The following PTPN21 variants were observed in gnomAD, a reference collection of about 807,000 sequenced individuals.
PTPN21 encodes the protein tyrosine-protein phosphatase non-receptor type 21.
A neutral mutation model predicts 131.8 loss-of-function variants in PTPN21; 77 were observed. The ratio of observed to expected loss-of-function variants is 0.58; its 90% CI spans 0.49 to 0.71. PTPN21 has a LOEUF of 0.71. Ranked by LOEUF, PTPN21 falls within the 30% of genes least tolerant of loss-of-function variation. The pLI, the probability that PTPN21 is intolerant of heterozygous loss-of-function variation, is 0.00. For synonymous variants in PTPN21, 715 were observed against 621.3 expected (o/e 1.15, Z -2.24); for missense variants, 1,552 against 1,527.1 (o/e 1.02, Z -0.27).
At chr14:88,503,063 T>C (rs2078036514) in intron 6 of PTPN21, among the ~76,000 whole-genome samples, 1 of 151,794 alleles carries the variant, frequency 6.6e-6, no homozygotes, top group African/African-American at 2.4e-5. Context: ...CTTTTTTTTT[T>C]TTTTGCTCTG....
At chr14:88,508,147 TGTG>T (rs1360251928) in intron 3 of PTPN21, 127 bp from the exon 4 acceptor site, 15 of 471,624 alleles carry the variant, frequency 3.2e-5, no homozygotes, top group Middle Eastern at 5.6e-4. Flanking sequence ...CATGGTTGTG[TGTG>T]TTTTTTTTTT....
At chr14:88,544,979 C>T (rs568368807) in intron 2 of PTPN21, among the ~76,000 whole-genome samples, 1 of 152,162 alleles carries the variant, frequency 6.6e-6, no homozygotes, top group South Asian at 2.1e-4. Flanking sequence ...AGGCATACAC[C>T]ATCACGCATG....
chr14:88,510,784 G>A (rs1448901145), intron 3 of PTPN21, among the ~76,000 whole-genome samples: 2 of 152,118 alleles, frequency 1.3e-5, no homozygotes, highest in Admixed American at 1.3e-4. Flanking sequence ...AAGTACTTGG[G>A]ACAGTGTCTA....
chr14:88,543,905 A>G (rs1399342002), intron 2 of PTPN21, among the ~76,000 whole-genome samples: 1 of 152,166 alleles, frequency 6.6e-6, no homozygotes, highest in Non-Finnish European at 1.5e-5. Context: ...AAGACGCCCC[A>G]GCATGCACAC....
chr14:88,516,720 T>G (rs966189604), intron 3 of PTPN21, among the ~76,000 whole-genome samples: 6 of 152,194 alleles, frequency 3.9e-5, no homozygotes, highest in Admixed American at 2.0e-4. Context: ...TCAGCACATT[T>G]CCTTGAGGAA....
intron 10 of PTPN21, among the ~76,000 whole-genome samples, chr14:88,495,141 G>T (rs888029598): frequency 6.0e-5 from 9 of 150,750 alleles, no homozygotes; most frequent in Non-Finnish European, 1.0e-4. Flanking sequence ...AAACAGGAAA[G>T]TCAGAAGGCT....
chr14:88,501,165 C>T, intron 7 of PTPN21, 116 bp downstream of exon 7: 1 of 959,080 alleles, frequency 1.0e-6, no homozygotes, highest in Non-Finnish European at 1.6e-6. Flanking sequence ...TTTTAAGTTT[C>T]CAGAGTTTTG....
chr14:88,521,118 A>T (rs1451184032), intron 2 of PTPN21, among the ~76,000 whole-genome samples: 1 of 152,046 alleles, frequency 6.6e-6, no homozygotes, highest in African/African-American at 2.4e-5. Context: ...TGCTGGGATT[A>T]CAGGAGTGTG....
rs915656735 is a variant in PTPN21, at chr14:88,509,767, G to A, written c.351-1747C>T. ...AACACTAGAAAGGGCTGGGTGCAGCGGCTCATGCCTGTAATCCCAGCATTT... is the reference window on the plus strand; with the variant it reads ...AACACTAGAAAGGGCTGGGTGCAGCAGCTCATGCCTGTAATCCCAGCATTT... On this transcript the variant is annotated intron_variant, in intron 3 of 18. Transcript: ENST00000556564. Among the ~76,000 whole-genome samples the A allele has an allele frequency of 5.9e-5, 9 of 152,300 alleles. 1 individual carries two copies. Among genetic ancestry groups the A allele is most frequent in the African/African-American group, 9.6e-5 (4 of 41,576 alleles).
At position 88,465,781 on chromosome 14, in the gene PTPN21, T is replaced by C. The variant is rs1187452580; in HGVS notation, c.*2356A>G. The C allele has an allele frequency of 6.6e-6, 1 of 152,208 alleles. No individual in the cohort carries two copies. Among genetic ancestry groups the C allele is most frequent in the Non-Finnish European group, 1.5e-5 (1 of 68,042 alleles). The allele number at this position is 152,208 out of a possible 1,614,324, so 9.4% of individuals were successfully genotyped here. ...ATGATACTATTTCAAAGCTCAGTAATGTGGATAGATTTTTATTCAGAAATC... is the reference window on the plus strand; with the variant it reads ...ATGATACTATTTCAAAGCTCAGTAACGTGGATAGATTTTTATTCAGAAATC... On this transcript the variant is annotated 3_prime_UTR_variant, in exon 19 of 19. Transcript: ENST00000556564.
At chr14:88,535,735 TA>T (rs1444972435) in intron 2 of PTPN21, among the ~76,000 whole-genome samples, 1 of 152,202 alleles carries the variant, frequency 6.6e-6, no homozygotes, top group East Asian at 1.9e-4. Flanking sequence ...TTTCTTCCTT[TA>T]AAGTCTGAAC....
At chr14:88,507,259 T>TA (rs2078105442) in intron 4 of PTPN21, among the ~76,000 whole-genome samples, 1 of 152,306 alleles carries the variant, frequency 6.6e-6, no homozygotes, top group East Asian at 1.9e-4. Flanking sequence ...TTGAACTAGA[T>TA]GAATACATAG....
intron 2 of PTPN21, among the ~76,000 whole-genome samples, chr14:88,539,633 T>C (rs550274445): frequency 1.3e-5 from 2 of 152,132 alleles, no homozygotes; most frequent in African/African-American, 2.4e-5. Context: ...AATGGCTCCA[T>C]GGAAAAGCAG....
At chr14:88,533,550 A>G (rs2078583101) in intron 2 of PTPN21, among the ~76,000 whole-genome samples, 1 of 152,216 alleles carries the variant, frequency 6.6e-6, no homozygotes, top group Admixed American at 6.5e-5. Flanking sequence ...TTATGCATTT[A>G]TTATACTTTT....
intron 10 of PTPN21, among the ~76,000 whole-genome samples, chr14:88,491,964 C>T (rs2077831469): frequency 6.6e-6 from 1 of 151,638 alleles, no homozygotes; most frequent in South Asian, 2.1e-4. Flanking sequence ...ACTCATTCAC[C>T]ATAATCAATC....
chr14:88,527,167 T>C (rs2139333080), intron 2 of PTPN21, among the ~76,000 whole-genome samples: 1 of 152,232 alleles, frequency 6.6e-6, no homozygotes, highest in East Asian at 1.9e-4. Flanking sequence ...TCCTAGTAGA[T>C]ACCCAGTAGT....
chr14:88,531,515 C>T (rs1037290519), intron 2 of PTPN21, among the ~76,000 whole-genome samples: 2 of 152,080 alleles, frequency 1.3e-5, no homozygotes, highest in African/African-American at 4.8e-5. Flanking sequence ...CGAGATTGCG[C>T]CACTGCACTC....
intron 1 of PTPN21, among the ~76,000 whole-genome samples, chr14:88,553,123 C>T (rs2078888289): frequency 6.6e-6 from 1 of 152,166 alleles, no homozygotes; most frequent in Non-Finnish European, 1.5e-5. Context: ...TAATTATTAA[C>T]TTAAGCTCTG....
chr14:88,479,502 G>A lies in PTPN21; in HGVS notation c.1929C>T (p.Leu643=), dbSNP rs2077604986. The change falls in exon 13 of 19, where the codon CTC becomes CTT. Residue 643 remains leucine (L), a synonymous_variant. Transcript: ENST00000556564. ...GCCGCAGGCCCTCCAGGCCGTGGCT[G>A]AGCCCGGCCACCTCGATGCTGTTCC... is the stretch of plus-strand genomic sequence containing the variant. ...HKRNSIEVAG[L]SHGLEGLRLK... 3.1e-6 allele frequency: 5 copies of A among 1,601,222 alleles called. No homozygotes were observed. Among genetic ancestry groups the A allele is most frequent in the Admixed American group, 1.7e-5 (1 of 59,954 alleles).
Sources: allele counts gnomAD v4.1 joint callset (sites outside exome capture counted in the v4.1 genomes callset), GRCh38; gene constraint gnomAD v4.1.1; transcripts MANE v1.5; gene names NCBI Gene and HGNC (gene_info 2026-07-23, HGNC 2026-07-21).